Variants in CSMD1 observed in about 807,000 individuals in gnomAD.
CSMD1 encodes the protein CUB and Sushi multiple domains 1, also known as CUB and sushi domain-containing protein 1.
CSMD1 carries 213 observed loss-of-function variants against 417.5 expected under a neutral mutation model. The observed-to-expected ratio is 0.51, with a 90% confidence interval of 0.46 to 0.57. The LOEUF (loss-of-function observed/expected upper bound fraction) is 0.57. CSMD1 is among the 20% of genes least tolerant of loss of function. The pLI is 0.00. For missense variants in CSMD1, 6,923 were observed against 4,529.7 expected, an observed-to-expected ratio of 1.53 and a Z score of -15.17; for synonymous variants, 2,862 against 1,736.8, an observed-to-expected ratio of 1.65 and a Z score of -16.11.
intron 18 of CSMD1, among the ~76,000 whole-genome samples, chr8:3,371,878 G>A (rs541760885): frequency 6.6e-6 from 1 of 152,206 alleles, no homozygotes; most frequent in Non-Finnish European, 1.5e-5. Flanking sequence ...CACTGTGAAA[G>A]AAGTAACATT....
intron 4 of CSMD1, among the ~76,000 whole-genome samples, chr8:4,014,502 G>C (rs1419363217): frequency 1.3e-5 from 2 of 152,132 alleles, no homozygotes; most frequent in Non-Finnish European, 2.9e-5. Context: ...TTTGATGTCT[G>C]TTCCCCCTTA....
intron 3 of CSMD1, among the ~76,000 whole-genome samples, chr8:4,096,718 A>G (rs1207659977): frequency 6.6e-6 from 1 of 152,224 alleles, no homozygotes; most frequent in Non-Finnish European, 1.5e-5. Flanking sequence ...TCCATAGGTA[A>G]TCATCTGAGA....
intron 5 of CSMD1, among the ~76,000 whole-genome samples, chr8:3,757,375 T>A (rs2720868): frequency 0.24 from 36,399 of 152,132 alleles, 4,748 homozygotes; most frequent in East Asian, 0.44. Context: ...TGGCAGTGGG[T>A]GTGTTCCAAT....
At chr8:4,425,059 G>C (rs997003859) in intron 2 of CSMD1, among the ~76,000 whole-genome samples, 3 of 151,992 alleles carry the variant, frequency 2.0e-5, no homozygotes, top group Non-Finnish European at 4.4e-5. Context: ...GGATAATTTA[G>C]TAATTGCCCA....
chr8:4,463,229 G>A (rs1328821653), intron 2 of CSMD1, among the ~76,000 whole-genome samples: 4 of 152,072 alleles, frequency 2.6e-5, no homozygotes, highest in South Asian at 2.1e-4. Context: ...AATCAAAGAC[G>A]TACTGAGATA....
At chr8:3,641,538 G>A (rs1008832610) in intron 7 of CSMD1, among the ~76,000 whole-genome samples, 1 of 152,180 alleles carries the variant, frequency 6.6e-6, no homozygotes, top group Non-Finnish European at 1.5e-5. Flanking sequence ...TCAGCACACA[G>A]AAAGGGAGTG....
At chr8:3,105,861 G>A (rs1056728276) in intron 46 of CSMD1, among the ~76,000 whole-genome samples, 1 of 152,196 alleles carries the variant, frequency 6.6e-6, no homozygotes, top group African/African-American at 2.4e-5. Context: ...GAAATACTTT[G>A]TAAGTTTTCA....
chr8:4,173,512 G>A (rs1351047166), intron 3 of CSMD1, among the ~76,000 whole-genome samples: 4 of 151,950 alleles, frequency 2.6e-5, no homozygotes, highest in African/African-American at 7.3e-5. Context: ...CGGTAGATGG[G>A]GATAAACACC....
chr8:4,672,560 A>G (rs1329371757), intron 1 of CSMD1, among the ~76,000 whole-genome samples: 2 of 152,252 alleles, frequency 1.3e-5, no homozygotes, highest in African/African-American at 4.8e-5. Context: ...CCAATCACAG[A>G]AAGTGTAAGA....
At chr8:3,272,841 TG>T (rs1384486696) in intron 26 of CSMD1, among the ~76,000 whole-genome samples, 1 of 150,744 alleles carries the variant, frequency 6.6e-6, no homozygotes, top group South Asian at 2.1e-4. Flanking sequence ...GCTGAGACAG[TG>T]GGGTTTTCCA....
intron 1 of CSMD1, among the ~76,000 whole-genome samples, chr8:4,928,852 C>G (rs1046063324): frequency 6.6e-6 from 1 of 152,092 alleles, no homozygotes; most frequent in Non-Finnish European, 1.5e-5. Flanking sequence ...AGTGGATCAC[C>G]TGAGGTTGGG....
At chr8:3,601,843 G>A (rs1424203342) in intron 8 of CSMD1, among the ~76,000 whole-genome samples, 2 of 152,066 alleles carry the variant, frequency 1.3e-5, no homozygotes, top group South Asian at 2.1e-4. Flanking sequence ...TTCCCCCTAC[G>A]TCTTCACCAG....
intron 1 of CSMD1, among the ~76,000 whole-genome samples, chr8:4,959,809 A>G (rs1160523166): frequency 6.6e-6 from 1 of 152,196 alleles, no homozygotes; most frequent in Non-Finnish European, 1.5e-5. Context: ...ATTTTCCCAG[A>G]TATCCACATA....
At chr8:4,650,668 A>T (rs1803839244) in intron 1 of CSMD1, among the ~76,000 whole-genome samples, 1 of 151,632 alleles carries the variant, frequency 6.6e-6, no homozygotes, top group Admixed American at 6.6e-5. Flanking sequence ...AAAAAAAAAA[A>T]GATACAGCTT....
rs558439623 is a variant in CSMD1, at chr8:4,267,972, G to C, written c.415+151981C>G. On this transcript the variant is annotated intron_variant, in intron 3 of 69. Coordinates refer to ENST00000635120, the MANE Select transcript of CSMD1 (RefSeq NM_033225.6). Reference sequence around the variant, plus strand: ...ACTACATTTTTGGATCTATTTTCTAGAGTCAGTACAAGTGAGATGGTGGAG... The same window carrying C: ...ACTACATTTTTGGATCTATTTTCTACAGTCAGTACAAGTGAGATGGTGGAG... Among the ~76,000 whole-genome samples the C allele has an allele frequency of 5.2e-4, 79 of 152,044 alleles. No individual in the cohort carries two copies. In the South Asian group the frequency reaches 5.8e-3, roughly 11 times the overall value.
chr8:4,019,550 G>T (rs992276303), intron 4 of CSMD1, among the ~76,000 whole-genome samples: 2 of 152,152 alleles, frequency 1.3e-5, no homozygotes, highest in African/African-American at 4.8e-5. Context: ...TTCCCTCTGT[G>T]CCTGAGCTGT....
chr8:3,942,841 T>C (rs1810972687), intron 5 of CSMD1, among the ~76,000 whole-genome samples: 1 of 152,186 alleles, frequency 6.6e-6, no homozygotes, highest in Admixed American at 6.6e-5. Flanking sequence ...GATTGAGCTA[T>C]AGTATCGTCC....
chr8:2,938,525 G>T lies in CSMD1; in HGVS notation c.*60C>A. 1 of 1,511,656 alleles carries T rather than the reference G, an allele frequency of 6.6e-7. No individual in the cohort carries two copies. The highest frequency in any genetic ancestry group is 9.0e-7 in the Non-Finnish European group (1 of 1,111,264). 93.6% of individuals were successfully genotyped at this position (1,511,656 alleles called of 1,614,324 possible). A position where few individuals can be genotyped will look rare whatever the true frequency, so the allele number is the denominator to read the frequency against. On this transcript the variant is annotated 3_prime_UTR_variant, in exon 70 of 70. Transcript: ENST00000635120. ...GGGAGAGTGGTATATGGCACCAAAG[G>T]AATCACTGCTTGTCCATCAGAGGTA...
At chr8:3,655,827 T>A (rs565968010) in intron 7 of CSMD1, among the ~76,000 whole-genome samples, 1 of 152,278 alleles carries the variant, frequency 6.6e-6, no homozygotes, top group Non-Finnish European at 1.5e-5. Flanking sequence ...TTTTCAGGAC[T>A]GATGCAAAGA....
Sources: allele counts gnomAD v4.1 joint callset (sites outside exome capture counted in the v4.1 genomes callset), GRCh38; gene constraint gnomAD v4.1.1; transcripts MANE v1.5; gene names NCBI Gene and HGNC (gene_info 2026-07-23, HGNC 2026-07-21).